QTMAN: variants seen among roughly 807,000 people sequenced by gnomAD.
The protein encoded by QTMAN is tRNA-queuosine alpha-mannosyltransferase.
At chr2:144,042,086 C>G in the QTMAN span, among the ~76,000 whole-genome samples, 1 of 152,198 alleles carries the variant, frequency 6.6e-6, no homozygotes, top group South Asian at 2.1e-4. Flanking sequence ...TATGGGAGTT[C>G]CACAGAGGAA....
At chr2:144,077,687 T>A in the QTMAN span, among the ~76,000 whole-genome samples, 1 of 152,230 alleles carries the variant, frequency 6.6e-6, no homozygotes, top group Admixed American at 6.5e-5. Flanking sequence ...GTTGTGTGTG[T>A]AGGCATAGCT....
At chr2:144,196,231 AC>A in the QTMAN span, among the ~76,000 whole-genome samples, 1 of 151,776 alleles carries the variant, frequency 6.6e-6, no homozygotes, top group African/African-American at 2.4e-5. Context: ...ACACACACAC[AC>A]ACACACACAC....
the QTMAN span, among the ~76,000 whole-genome samples, chr2:144,043,227 T>TTGTGTGTGTGTGTGTGTG: frequency 1.3e-5 from 2 of 148,598 alleles, no homozygotes; most frequent in African/African-American, 4.9e-5. Context: ...ATGTGTGAAT[T>TTGTGTGTGTGTGTGTGTG]TGTGTGTGTG....
the QTMAN span, among the ~76,000 whole-genome samples, chr2:144,095,924 G>A: frequency 6.6e-6 from 1 of 152,020 alleles, no homozygotes; most frequent in Non-Finnish European, 1.5e-5. Flanking sequence ...TTCAGAATGT[G>A]GTAGAAGTAC....
chr2:144,085,912 C>T, the QTMAN span, among the ~76,000 whole-genome samples: 9 of 152,146 alleles, frequency 5.9e-5, no homozygotes, highest in Non-Finnish European at 1.2e-4. Flanking sequence ...CATTTCAGTA[C>T]CTTCCAATGG....
At chr2:144,020,118 G>A in the QTMAN span, among the ~76,000 whole-genome samples, 10 of 152,312 alleles carry the variant, frequency 6.6e-5, 1 homozygote, top group South Asian at 2.1e-3. Flanking sequence ...ATATGCAAGT[G>A]CTGGAAAGGG....
the QTMAN span, among the ~76,000 whole-genome samples, chr2:144,069,246 C>T: frequency 2.0e-5 from 3 of 148,562 alleles, no homozygotes; most frequent in Middle Eastern, 3.3e-3. Context: ...TGCTTACCTT[C>T]GACAGGATTT....
chr2:144,088,067 C>G, the QTMAN span, among the ~76,000 whole-genome samples: 1 of 151,828 alleles, frequency 6.6e-6, no homozygotes, highest in Non-Finnish European at 1.5e-5. Flanking sequence ...AAAGACTTTA[C>G]CAAAAACCTC....
chr2:143,975,985 A>G, the QTMAN span, among the ~76,000 whole-genome samples: 1 of 152,184 alleles, frequency 6.6e-6, no homozygotes, highest in African/African-American at 2.4e-5. Context: ...AGGTGTAGGA[A>G]AAGCAAGTTA....
At chr2:144,051,762 G>C in the QTMAN span, among the ~76,000 whole-genome samples, 1 of 152,172 alleles carries the variant, frequency 6.6e-6, no homozygotes, top group African/African-American at 2.4e-5. Context: ...AGATTTGGGA[G>C]AGCAGGAAGG....
At chr2:144,101,371 T>C in the QTMAN span, among the ~76,000 whole-genome samples, 1 of 147,042 alleles carries the variant, frequency 6.8e-6, no homozygotes, top group Non-Finnish European at 1.5e-5. Context: ...AACATATTTA[T>C]TCAAATCATG....
At chr2:144,177,048 G>A in the QTMAN span, 2 of 667,220 alleles carry the variant, frequency 3.0e-6, no homozygotes, top group East Asian at 5.4e-5. Flanking sequence ...CTTTAAAACA[G>A]CCAGATTTCA....
chr2:144,179,107 A>T, the QTMAN span: 1 of 336,710 alleles, frequency 3.0e-6, no homozygotes, highest in Non-Finnish European at 5.8e-6. Context: ...ACCCTCAACT[A>T]GAATTGAGTC....
the QTMAN span, chr2:143,957,377 A>G: frequency 1.5e-6 from 2 of 1,348,056 alleles, no homozygotes; most frequent in Non-Finnish European, 1.0e-6. Flanking sequence ...TCTATTTAAT[A>G]TAGTGTAAAA....
the QTMAN span, among the ~76,000 whole-genome samples, chr2:144,297,877 G>A: frequency 3.3e-5 from 5 of 151,286 alleles, no homozygotes; most frequent in Admixed American, 3.3e-4. Flanking sequence ...ACAGTGCCGG[G>A]CTGGATTCCA....
At chr2:143,969,032 G>A in the QTMAN span, among the ~76,000 whole-genome samples, 1 of 151,968 alleles carries the variant, frequency 6.6e-6, no homozygotes, top group African/African-American at 2.4e-5. Context: ...TCCATATTTG[G>A]GCCCTACCCT....
the QTMAN span, among the ~76,000 whole-genome samples, chr2:144,197,361 A>G: frequency 6.6e-6 from 1 of 151,900 alleles, no homozygotes; most frequent in Non-Finnish European, 1.5e-5. Flanking sequence ...GTGTATATGT[A>G]TATATGTAAT....
chr2:144,169,928 A>G, the QTMAN span, among the ~76,000 whole-genome samples: 2 of 152,136 alleles, frequency 1.3e-5, no homozygotes, highest in South Asian at 2.1e-4. Flanking sequence ...TTATAATTCT[A>G]CAAATGATAT....
chr2:144,208,455 C>T, the QTMAN span: 1 of 662,044 alleles, frequency 1.5e-6, no homozygotes, highest in South Asian at 2.0e-5. Context: ...TACTCCACTG[C>T]TCTGCTCTCT....
Sources: gnomAD v4.1 joint callset for allele counts (sites outside exome capture counted in the v4.1 genomes callset) on GRCh38, gnomAD v4.1.1 for gene constraint, MANE v1.5 for transcripts, NCBI Gene and HGNC (gene_info 2026-07-23, HGNC 2026-07-21) for gene names.